Variants in POLN observed in about 807,000 individuals in gnomAD.
POLN encodes DNA polymerase N.
In POLN, 108 loss-of-function variants were observed where a neutral mutation model predicts 113.5. The observed-to-expected ratio is 0.95, with a 90% CI of 0.81 to 1.12. The LOEUF (loss-of-function observed/expected upper bound fraction) is 1.12, where lower values mean the gene tolerates loss of function less well. POLN is among the 50% of genes most tolerant of loss of function. The pLI is 0.00. For missense variants in POLN, 1,097 were observed against 1,077.1 expected (o/e 1.02, Z -0.26); for synonymous variants, 386 against 391.5 (o/e 0.99, Z 0.17).
chr4:2,153,015 T>C (rs1173695491), intron 16 of POLN, among the ~76,000 whole-genome samples: 1 of 152,206 alleles, frequency 6.6e-6, no homozygotes, highest in Non-Finnish European at 1.5e-5. Context: ...CAAGTACCAA[T>C]ACAACAGGAC....
At chr4:2,193,383 T>G in intron 6 of POLN, 67 bp from the exon 7 acceptor site, 1 of 1,012,280 alleles carries the variant, frequency 9.9e-7, no homozygotes, top group Non-Finnish European at 1.5e-6. Flanking sequence ...GGAAAAATAT[T>G]ATTACTACTC....
intron 20 of POLN, among the ~76,000 whole-genome samples, chr4:2,095,179 T>C (rs1376128339): frequency 6.1e-5 from 9 of 148,604 alleles, no homozygotes; most frequent in Non-Finnish European, 8.9e-5. Flanking sequence ...GACATGGGTA[T>C]TGGGGCTAGG....
At chr4:2,185,759 T>C (rs1232895619) in intron 7 of POLN, among the ~76,000 whole-genome samples, 1 of 151,382 alleles carries the variant, frequency 6.6e-6, no homozygotes, top group Non-Finnish European at 1.5e-5. Flanking sequence ...AACAAACAAA[T>C]AAACAAAAAG....
rs73798508 is a variant in POLN at position 2,212,049 on chromosome 4, C to G, written c.213+998G>C. On this transcript the variant is annotated intron_variant, in intron 4 of 25. Coordinates refer to ENST00000511885, the MANE Select transcript of POLN (RefSeq NM_181808.4). ...ACCCAGGGGCAAATAATCATCCCATCAACCCAAGAGACAGGTCCTATTATC... is the reference window on the plus strand; with the variant it reads ...ACCCAGGGGCAAATAATCATCCCATGAACCCAAGAGACAGGTCCTATTATC... 4.7e-3 allele frequency among the ~76,000 whole-genome samples: 718 copies of G among 152,224 alleles called. 6 individuals are homozygous for G. The highest frequency in any genetic ancestry group is 0.016 in the African/African-American group (677 of 41,520).
At chr4:2,166,612 C>T (rs1421240640) in intron 13 of POLN, among the ~76,000 whole-genome samples, 1 of 152,132 alleles carries the variant, frequency 6.6e-6, no homozygotes, top group Non-Finnish European at 1.5e-5. Context: ...AGGGACTATC[C>T]AATCAGCTAG....
intron 13 of POLN, among the ~76,000 whole-genome samples, chr4:2,164,883 G>T (rs913219430): frequency 5.2e-5 from 7 of 135,720 alleles, no homozygotes; most frequent in Admixed American, 1.6e-4. Context: ...TATTAGAATG[G>T]TGAAAATCCA....
At chr4:2,238,931 C>T (rs1379661723) in intron 2 of POLN, 1 of 1,609,992 alleles carries the variant, frequency 6.2e-7, no homozygotes. Context: ...GGCATTCTCT[C>T]TTACCACAGC....
At chr4:2,139,505 T>C (rs777116537) in intron 16 of POLN, among the ~76,000 whole-genome samples, 2 of 152,216 alleles carry the variant, frequency 1.3e-5, no homozygotes, top group African/African-American at 2.4e-5. Context: ...TATGTCCCTG[T>C]CAAGAGGCAA....
chr4:2,174,665 T>G, intron 10 of POLN, 26 bp downstream of exon 10: 8 of 1,571,216 alleles, frequency 5.1e-6, no homozygotes, highest in Non-Finnish European at 7.0e-6. Flanking sequence ...GAAAAATGGC[T>G]GTACTTCATC....
chr4:2,125,004 A>G (rs906071453), intron 19 of POLN, among the ~76,000 whole-genome samples: 4 of 152,250 alleles, frequency 2.6e-5, no homozygotes, highest in Admixed American at 1.3e-4. Flanking sequence ...GTCTTCAACC[A>G]GGTTGAAGAT....
chr4:2,149,050 T>G (rs1732224866), intron 16 of POLN, among the ~76,000 whole-genome samples: 1 of 152,036 alleles, frequency 6.6e-6, no homozygotes, highest in Non-Finnish European at 1.5e-5. Context: ...TCCCAGAACT[T>G]TGGGAGGCTG....
At chr4:2,206,632 C>T (rs536417003) in intron 5 of POLN, among the ~76,000 whole-genome samples, 2 of 152,022 alleles carry the variant, frequency 1.3e-5, no homozygotes, top group Non-Finnish European at 2.9e-5. Flanking sequence ...AACTGGCCAA[C>T]GAATATATGA....
chr4:2,212,206 T>C (rs1277763518), intron 4 of POLN, among the ~76,000 whole-genome samples: 3 of 152,228 alleles, frequency 2.0e-5, no homozygotes, highest in African/African-American at 7.2e-5. Flanking sequence ...TCTTTGGTGA[T>C]ACGACCTCTC....
chr4:2,218,430 G>A lies in POLN; in HGVS notation c.134-5304C>T, dbSNP rs140372168. On this transcript the variant is annotated intron_variant, in intron 3 of 25. Coordinates refer to ENST00000511885, the MANE Select transcript of POLN (RefSeq NM_181808.4). ...ATTGCACTCCAGCCTGGGCAACAAG[G>A]GTGAAACTGCCTTAAAAAAAAAAAG... Among the ~76,000 whole-genome samples, 897 of 151,494 alleles carry A rather than the reference G, an allele frequency of 5.9e-3. 13 individuals are homozygous for A. The highest frequency in any genetic ancestry group is 0.02 in the African/African-American group (840 of 41,012).
rs761833932 is a variant in POLN, at chr4:2,213,126, G to T, written c.134C>A (p.Thr45Asn). 1 of 1,584,068 alleles carries T rather than the reference G, an allele frequency of 6.3e-7. No individual in the cohort carries two copies. Residue 45 changes from threonine (T) to asparagine (N), a missense_variant and splice_region_variant, in exon 4 of 26, where the codon ACT (threonine) becomes AAT (asparagine). Physicochemically the swap from Thr to Asn is moderately conservative, Grantham distance 65. Transcript: ENST00000511885. ...ACTGGACTTGTTTATCACTTCCATA[G>T]CTTTTAAAAACAACAAAAAAGAAAC... Reference protein sequence around the residue: ...DSKTWGKSTETMEVINKSSVK... With the variant: ...DSKTWGKSTENMEVINKSSVK...
At chr4:2,082,386 G>C (rs1452136004) in intron 21 of POLN, among the ~76,000 whole-genome samples, 2 of 152,212 alleles carry the variant, frequency 1.3e-5, no homozygotes, top group Non-Finnish European at 2.9e-5. Context: ...GACTGTGTGG[G>C]ATGGAGGAGA....
chr4:2,109,840 C>T (rs1731150474), intron 19 of POLN, among the ~76,000 whole-genome samples: 1 of 151,962 alleles, frequency 6.6e-6, no homozygotes, highest in South Asian at 2.1e-4. Flanking sequence ...TTTATTTATC[C>T]CATCTGTATT....
At chr4:2,241,089 T>C (rs1328191803) in intron 2 of POLN, 2 of 639,474 alleles carry the variant, frequency 3.1e-6, no homozygotes, top group Non-Finnish European at 5.3e-6. Flanking sequence ...CTATAATGAT[T>C]CCTCCTAGGG....
At chr4:2,162,013 T>A (rs1404726396) in intron 13 of POLN, among the ~76,000 whole-genome samples, 1 of 152,060 alleles carries the variant, frequency 6.6e-6, no homozygotes, top group African/African-American at 2.4e-5. Flanking sequence ...CAGCGCCCTG[T>A]CAAAACAGAC....
Sources: gnomAD v4.1 joint callset for allele counts (sites outside exome capture counted in the v4.1 genomes callset) on GRCh38, gnomAD v4.1.1 for gene constraint, MANE v1.5 for transcripts, NCBI Gene and HGNC (gene_info 2026-07-23, HGNC 2026-07-21) for gene names.